The following PXDNL variants were observed in gnomAD, a reference collection of about 807,000 sequenced individuals.
PXDNL encodes the protein peroxidasin like, also known as probable oxidoreductase PXDNL.
Under a neutral mutation model 150.8 loss-of-function variants are expected in PXDNL, and 145 were observed. That is an observed-to-expected ratio of 0.96 (90% CI 0.84 to 1.10). The LOEUF is 1.10. Among genes scored for constraint, PXDNL ranks in the 50% least tolerant of loss-of-function variants. The pLI is 0.00. For synonymous variants in PXDNL, 757 were observed against 725.7 expected (o/e 1.04, Z -0.69); for missense variants, 2,087 against 1,873.9 (o/e 1.11, Z -2.10).
At chr8:51,380,256 T>C (rs749699625) in intron 17 of PXDNL, among the ~76,000 whole-genome samples, 11 of 152,236 alleles carry the variant, frequency 7.2e-5, no homozygotes, top group Admixed American at 5.2e-4. Context: ...GTTTGCTTTA[T>C]AGGAAGGGTT....
chr8:51,533,298 G>A (rs999416708), intron 4 of PXDNL, among the ~76,000 whole-genome samples: 4 of 151,988 alleles, frequency 2.6e-5, no homozygotes, highest in Non-Finnish European at 4.4e-5. Flanking sequence ...TCACAGGCAT[G>A]CACCACCACG....
chr8:51,562,874 C>A (rs1456341890), intron 3 of PXDNL, among the ~76,000 whole-genome samples: 3 of 151,852 alleles, frequency 2.0e-5, no homozygotes, highest in African/African-American at 7.2e-5. Context: ...GGGGAAGAGA[C>A]AAAGGTTTTT....
In PXDNL at chr8:51,508,764, AT is replaced by A. The variant is rs536746298; in HGVS notation, c.381-8995del. The stretch of plus-strand genomic sequence containing the variant: ...ATGCCCTACTGCCAGCCCCATGCCC[AT>A]GTGGCTGCCTAGTAGACAACTCAAA... On this transcript the variant is annotated intron_variant, in intron 4 of 22. Transcript: ENST00000356297. 4.1e-3 allele frequency among the ~76,000 whole-genome samples: 624 copies of A among 152,266 alleles called. 3 individuals carry two copies. Among genetic ancestry groups the A allele is most frequent in the Non-Finnish European group, 7.7e-3 (526 of 68,004 alleles).
intron 11 of PXDNL, among the ~76,000 whole-genome samples, chr8:51,448,297 A>C (rs1405654192): frequency 4.6e-5 from 7 of 152,160 alleles, no homozygotes; most frequent in African/African-American, 1.7e-4. Context: ...CCCACCACCC[A>C]CACTTCAGGA....
At chr8:51,334,662 A>G (rs1430551234) in intron 21 of PXDNL, among the ~76,000 whole-genome samples, 4 of 152,234 alleles carry the variant, frequency 2.6e-5, no homozygotes, top group African/African-American at 4.8e-5. Context: ...ACCGGAATGC[A>G]AAAGATCATT....
chr8:51,342,260 A>G (rs1421170047), intron 20 of PXDNL, among the ~76,000 whole-genome samples: 1 of 152,030 alleles, frequency 6.6e-6, no homozygotes, highest in Middle Eastern at 3.2e-3. Flanking sequence ...ATAAGAGAAA[A>G]ATCATCAGTA....
At chr8:51,473,274 AACACACACACACACAC>A (rs1164131411) in intron 7 of PXDNL, among the ~76,000 whole-genome samples, 2 of 133,940 alleles carry the variant, frequency 1.5e-5, no homozygotes, top group African/African-American at 2.7e-5. Flanking sequence ...GTAGAAAATA[AACACACACACACACAC>A]ACACACACAC....
At chr8:51,409,766 G>A (rs1260700609) in intron 16 of PXDNL, among the ~76,000 whole-genome samples, 1 of 151,476 alleles carries the variant, frequency 6.6e-6, no homozygotes, top group Non-Finnish European at 1.5e-5. Flanking sequence ...AGAAGATCCC[G>A]GGATTACTTT....
intron 21 of PXDNL, among the ~76,000 whole-genome samples, chr8:51,321,620 C>G (rs1213107739): frequency 6.6e-6 from 1 of 152,072 alleles, no homozygotes. Context: ...GTTCCTCCCC[C>G]ATTTGCTCTC....
At chr8:51,664,626 C>G (rs986259458) in intron 1 of PXDNL, among the ~76,000 whole-genome samples, 3 of 152,148 alleles carry the variant, frequency 2.0e-5, no homozygotes, top group African/African-American at 7.2e-5. Flanking sequence ...ATTATATTTA[C>G]CTTGATAGTC....
At chr8:51,516,456 T>G (rs1412821900) in intron 4 of PXDNL, among the ~76,000 whole-genome samples, 1 of 152,242 alleles carries the variant, frequency 6.6e-6, no homozygotes, top group Non-Finnish European at 1.5e-5. Context: ...GAATATACTT[T>G]CATTTGTATT....
At chr8:51,477,192 A>G (rs1336617482) in intron 6 of PXDNL, among the ~76,000 whole-genome samples, 4 of 152,244 alleles carry the variant, frequency 2.6e-5, no homozygotes, top group Non-Finnish European at 5.9e-5. Context: ...TACCCAATTC[A>G]TAAGACTAAT....
intron 1 of PXDNL, among the ~76,000 whole-genome samples, chr8:51,798,364 A>G (rs2129261675): frequency 6.6e-6 from 1 of 152,268 alleles, no homozygotes; most frequent in Non-Finnish European, 1.5e-5. Flanking sequence ...AGCTTTTGCA[A>G]AGCAAAAGAA....
At chr8:51,701,448 G>A (rs1377129724) in intron 1 of PXDNL, among the ~76,000 whole-genome samples, 2 of 152,074 alleles carry the variant, frequency 1.3e-5, no homozygotes, top group Non-Finnish European at 2.9e-5. Flanking sequence ...TTTTCTCCTT[G>A]CCATAGAGGA....
At position 51,411,333 on chromosome 8, in the gene PXDNL, C is replaced by A; in HGVS notation, c.1979G>T (p.Arg660Ile). The change falls in exon 16 of 23, where the codon AGA (arginine) becomes ATA (isoleucine). Residue 660 changes from arginine to isoleucine, a missense_variant. Coordinates refer to ENST00000356297, the MANE Select transcript of PXDNL (RefSeq NM_144651.5). ...CGTGTGCTCAAAAATCTCCCCTGCT[C>A]TTGCCATTTCCACAATCAGTGGGTC... ...PRDPLIVEMA[R>I]AGEIFEHTLQ... 1 of 1,590,948 alleles carries A rather than the reference C, an allele frequency of 6.3e-7. No homozygotes were observed. Among genetic ancestry groups the A allele is most frequent in the Non-Finnish European group, 8.5e-7 (1 of 1,170,844 alleles).
chr8:51,690,910 C>G (rs1462344374), intron 1 of PXDNL, among the ~76,000 whole-genome samples: 2 of 152,274 alleles, frequency 1.3e-5, no homozygotes, highest in East Asian at 3.9e-4. Context: ...TTGCATTTCT[C>G]TGATGGCCAG....
At chr8:51,402,312 GGT>G (rs1294088875) in intron 17 of PXDNL, among the ~76,000 whole-genome samples, 1 of 152,086 alleles carries the variant, frequency 6.6e-6, no homozygotes, top group Non-Finnish European at 1.5e-5. Context: ...GATCACATGT[GGT>G]CAGGAGTTTG....
chr8:51,744,071 AAGGAAG>A lies in PXDNL; in HGVS notation c.164+65104_164+65109del, dbSNP rs1563307135. Reference sequence around the variant, plus strand: ...GAAGGAAGGAAGGAAGGAAGGAAGGAAGGAAGGAAGGAAGGAAGGAAGGAAAGAAAG... The same window carrying A: ...GAAGGAAGGAAGGAAGGAAGGAAGGAGAAGGAAGGAAGGAAGGAAAGAAAG... On this transcript the variant is annotated intron_variant, in intron 1 of 22. Transcript: ENST00000356297. Among the ~76,000 whole-genome samples the A allele has an allele frequency of 5.5e-3, 405 of 73,462 alleles. 2 individuals are homozygous for A. The highest frequency in any genetic ancestry group is 0.011 in the Middle Eastern group (2 of 188). The allele number at this position is 73,462 out of a possible 152,430, so 48.2% of individuals were successfully genotyped here. A position where few individuals can be genotyped will look rare whatever the true frequency, so the allele number is the denominator to read the frequency against.
At chr8:51,370,024 GC>G (rs1807050989) in intron 19 of PXDNL, among the ~76,000 whole-genome samples, 1 of 152,202 alleles carries the variant, frequency 6.6e-6, no homozygotes, top group African/African-American at 2.4e-5. Context: ...CCCTACACGT[GC>G]TACCAGGTGG....
Sources: allele counts gnomAD v4.1 joint callset (sites outside exome capture counted in the v4.1 genomes callset), GRCh38; gene constraint gnomAD v4.1.1; transcripts MANE v1.5; gene names NCBI Gene and HGNC (gene_info 2026-07-23, HGNC 2026-07-21).